The following HDAC4 variants were observed in gnomAD, a reference collection of about 807,000 sequenced individuals.
HDAC4 encodes the protein histone deacetylase A.
Under a neutral mutation model 135.1 loss-of-function variants are expected in HDAC4, and 16 were observed. That is an observed-to-expected ratio of 0.12 (90% confidence interval 0.08 to 0.18). The LOEUF is 0.18. Among genes scored for constraint, HDAC4 ranks in the 10% least tolerant of loss-of-function variants. The pLI is 1.00. For missense variants in HDAC4, 1,143 were observed against 1,511.8 expected, an observed-to-expected ratio of 0.76 and a Z score of 4.05; for synonymous variants, 685 against 653.4, an observed-to-expected ratio of 1.05 and a Z score of -0.74.
chr2:239,285,842 G>A lies in HDAC4; in HGVS notation c.23-49178C>T, dbSNP rs888899009. 6.6e-6 allele frequency among the ~76,000 whole-genome samples: 1 copy of A among 152,154 alleles called. No homozygotes were observed. Among genetic ancestry groups the A allele is most frequent in the Admixed American group, 6.5e-5 (1 of 15,276 alleles). On this transcript the variant is annotated intron_variant, in intron 2 of 26. Coordinates refer to ENST00000543185, the MANE Select transcript of HDAC4 (RefSeq NM_001378414.1). This position sits in a 1 kb window ranked among gnomAD's most constrained non-coding sequence, Gnocchi z 4.5. The stretch of plus-strand genomic sequence containing the variant: ...ACCGAGGTGAGCCCAGAGCTGCAGC[G>A]TTCAGGATGCAGGGGCTGGAGTCCA...
intron 2 of HDAC4, among the ~76,000 whole-genome samples, chr2:239,253,669 T>C (rs542924939): frequency 2.6e-5 from 4 of 152,272 alleles, no homozygotes; most frequent in East Asian, 1.9e-4. Flanking sequence ...AAGAAACAGT[T>C]ATGAAGATAG....
intron 16 of HDAC4, among the ~76,000 whole-genome samples, chr2:239,095,926 C>A (rs2036982397): frequency 6.6e-6 from 1 of 152,196 alleles, no homozygotes; most frequent in Admixed American, 6.5e-5. Flanking sequence ...GCTGGAGTGA[C>A]ATCTCACATG....
rs35291459 is a variant in HDAC4, at chr2:239,134,270, C to T, written c.1269G>A (p.Pro423=). 0.034 allele frequency: 54,411 copies of T among 1,612,238 alleles called. 2,574 individuals are homozygous for T. Among genetic ancestry groups the T allele is most frequent in the African/African-American group, 0.23 (16,908 of 74,974 alleles). ...LLQHMVLLEQ[P]PAQAPLVTDW... The stretch of plus-strand genomic sequence containing the variant: ...CTGTGACGAGGGGTGCTTGTGCCGG[C>T]GGCTGCTCCAGTAAGACCATGTGCT... The change falls in exon 11 of 27, where the codon CCG becomes CCA. Residue 423 remains proline (P), a synonymous_variant. Transcript: ENST00000543185.
chr2:239,145,836 C>T (rs753615144), intron 7 of HDAC4, among the ~76,000 whole-genome samples: 1 of 152,212 alleles, frequency 6.6e-6, no homozygotes, highest in Non-Finnish European at 1.5e-5. Flanking sequence ...TGTGGCTGGG[C>T]GATGGGGACC....
intron 2 of HDAC4, among the ~76,000 whole-genome samples, chr2:239,257,724 CTACTA>C (rs2049127160): frequency 6.6e-6 from 1 of 152,038 alleles, no homozygotes; most frequent in East Asian, 1.9e-4. Flanking sequence ...AAACTTCAGT[CTACTA>C]ATGAGGATGA....
chr2:239,250,194 C>G (rs1475354489), intron 2 of HDAC4, among the ~76,000 whole-genome samples: 1 of 152,266 alleles, frequency 6.6e-6, no homozygotes. Context: ...CTGACAAGCA[C>G]TATCAGGAGA....
chr2:239,249,060 G>C (rs1024711376), intron 2 of HDAC4, among the ~76,000 whole-genome samples: 1 of 152,362 alleles, frequency 6.6e-6, no homozygotes, highest in South Asian at 2.1e-4. Context: ...GGCAGGGACT[G>C]TTCTTTTAGA....
chr2:239,061,057 C>T (rs963090979), intron 24 of HDAC4, among the ~76,000 whole-genome samples: 1 of 152,250 alleles, frequency 6.6e-6, no homozygotes, highest in African/African-American at 2.4e-5. Flanking sequence ...GCGGGACACA[C>T]GACGTGGACC....
At chr2:239,237,758 T>G (rs1365600704) in intron 2 of HDAC4, among the ~76,000 whole-genome samples, 1 of 148,606 alleles carries the variant, frequency 6.7e-6, no homozygotes, top group African/African-American at 2.5e-5. Flanking sequence ...CTGCAGGAGC[T>G]CAGCAGGTGA....
chr2:239,291,418 C>G (rs2125506330), intron 2 of HDAC4, among the ~76,000 whole-genome samples: 1 of 152,316 alleles, frequency 6.6e-6, no homozygotes, highest in African/African-American at 2.4e-5. Flanking sequence ...AGAGGGGTCC[C>G]CTGGGTGGCG....
chr2:239,399,363 A>G (rs774758978), intron 1 of HDAC4, among the ~76,000 whole-genome samples: 2 of 152,140 alleles, frequency 1.3e-5, no homozygotes, highest in Non-Finnish European at 2.9e-5. Context: ...ATATTTGTGT[A>G]CAAGCAGCTG....
At chr2:239,318,072 A>C (rs1195035771) in intron 2 of HDAC4, among the ~76,000 whole-genome samples, 1 of 152,014 alleles carries the variant, frequency 6.6e-6, no homozygotes, top group Non-Finnish European at 1.5e-5. Flanking sequence ...ACAACAACAG[A>C]CTCCGACAAA....
intron 13 of HDAC4, 112 bp from the exon 14 acceptor site, chr2:239,111,824 T>C (rs1447955470): frequency 3.0e-6 from 3 of 1,005,226 alleles, no homozygotes; most frequent in African/African-American, 3.2e-5. Flanking sequence ...AGGCCATACA[T>C]GGGCCACAAG....
At chr2:239,297,298 G>T (rs1327718179) in intron 2 of HDAC4, among the ~76,000 whole-genome samples, 1 of 152,172 alleles carries the variant, frequency 6.6e-6, no homozygotes, top group African/African-American at 2.4e-5. Flanking sequence ...AGCAACCCAG[G>T]GTCTCTGAAG....
chr2:239,146,087 G>A lies in HDAC4; in HGVS notation c.734-1373C>T, dbSNP rs2041742449. The stretch of plus-strand genomic sequence containing the variant: ...GGGGACCTGGATGACGACAGATGAC[G>A]GATTCAGCCACAAGCCGGCCTCTCC... On this transcript the variant is annotated intron_variant, in intron 7 of 26. Transcript: ENST00000543185. This position sits in a 1 kb window ranked among gnomAD's most constrained non-coding sequence, Gnocchi z 4.5. 6.6e-6 allele frequency among the ~76,000 whole-genome samples: 1 copy of A among 152,160 alleles called. No homozygotes were observed. Among genetic ancestry groups the A allele is most frequent in the Admixed American group, 6.5e-5 (1 of 15,286 alleles).
chr2:239,244,457 G>A (rs181449165), intron 2 of HDAC4, among the ~76,000 whole-genome samples: 19 of 152,240 alleles, frequency 1.2e-4, no homozygotes, highest in African/African-American at 4.1e-4. Flanking sequence ...CACACGGCGT[G>A]TGAGTCAATG....
rs766941948 is a variant in HDAC4 at position 239,094,942 on chromosome 2, G to T, written c.2280+68C>A. The T allele has an allele frequency of 1.9e-6, 3 of 1,611,834 alleles. No homozygotes were observed. The African/African-American group carries it at 4.0e-5, about 22-fold the overall frequency. On this transcript the variant is annotated intron_variant, in intron 17 of 26. Coordinates refer to ENST00000543185, the MANE Select transcript of HDAC4 (RefSeq NM_001378414.1). ...TATTCACTTTGAGGGAAGCAAGGCT[G>T]CGATTTCTGTGACCACTGGGACTCG...
At chr2:239,267,044 G>A (rs1056626918) in intron 2 of HDAC4, among the ~76,000 whole-genome samples, 2 of 152,316 alleles carry the variant, frequency 1.3e-5, no homozygotes, top group African/African-American at 2.4e-5. Context: ...CAGCTGTGCA[G>A]AGGGAGAGTA....
At chr2:239,209,369 G>A (rs1199886659) in intron 3 of HDAC4, among the ~76,000 whole-genome samples, 1 of 152,202 alleles carries the variant, frequency 6.6e-6, no homozygotes, top group African/African-American at 2.4e-5. Flanking sequence ...AGCAGTTGAG[G>A]TGGTCCCAAA....
Sources: allele counts gnomAD v4.1 joint callset (sites outside exome capture counted in the v4.1 genomes callset), GRCh38; gene constraint gnomAD v4.1.1; non-coding constraint Gnocchi (gnomAD v3.1); transcripts MANE v1.5; gene names NCBI Gene and HGNC (gene_info 2026-07-23, HGNC 2026-07-21).